IGF2R: variants seen among roughly 807,000 people sequenced by gnomAD.
The protein encoded by IGF2R is insulin like growth factor 2 receptor.
IGF2R carries 91 observed loss-of-function variants against 270.6 expected under a neutral mutation model. That is an observed-to-expected ratio of 0.34 (90% CI 0.28 to 0.40). IGF2R has a LOEUF of 0.40. IGF2R is among the 10% of genes least tolerant of loss of function. The pLI is 1.00. For missense variants in IGF2R, 2,805 were observed against 3,188.3 expected, an observed-to-expected ratio of 0.88 and a Z score of 2.90; for synonymous variants, 1,316 against 1,258.9, an observed-to-expected ratio of 1.05 and a Z score of -0.96.
rs754969951 is a variant in IGF2R at position 160,061,483 on chromosome 6, G to C, written c.3263-20G>C. 2.5e-6 allele frequency: 4 copies of C among 1,612,326 alleles called. No individual in the cohort carries two copies. The highest frequency in any genetic ancestry group is 3.4e-6 in the Non-Finnish European group (4 of 1,179,102). On this transcript the variant is annotated intron_variant, in intron 23 of 47. Transcript: ENST00000356956. ...ACAAGGAGGCAGAGTTCTCCAGCGT[G>C]GTTTTTTGTTGTGTTTCAGACCTGG...
rs937997463 is a variant in IGF2R, at chr6:160,010,734, G to T, written c.462G>T (p.Glu154Asp). 1.2e-6 allele frequency: 2 copies of T among 1,612,932 alleles called. No individual in the cohort carries two copies. Among genetic ancestry groups the T allele is most frequent in the Non-Finnish European group, 1.7e-6 (2 of 1,179,112 alleles). The change falls in exon 4 of 48, where the codon GAG becomes GAT. Residue 154 changes from glutamate to aspartate, a missense_variant. Physicochemically the swap from Glu to Asp is conservative, Grantham distance 45 (BLOSUM62 2). Coordinates refer to ENST00000356956, the MANE Select transcript of IGF2R (RefSeq NM_000876.4). ...VTATECVHYF[E>D]WRTTAACKKD... Reference sequence around the variant, plus strand: ...CAACAGAATGTGTGCACTACTTTGAGTGGAGGACCACTGCAGCCTGCAAGA... The same window carrying T: ...CAACAGAATGTGTGCACTACTTTGATTGGAGGACCACTGCAGCCTGCAAGA...
intron 2 of IGF2R, among the ~76,000 whole-genome samples, chr6:160,007,960 C>A (rs1355292788): frequency 6.6e-6 from 1 of 152,166 alleles, no homozygotes; most frequent in Non-Finnish European, 1.5e-5. Context: ...CATCTTTAAT[C>A]CATTTAGACA....
intron 29 of IGF2R, among the ~76,000 whole-genome samples, chr6:160,065,814 G>GTA (rs59035193): frequency 0.01 from 789 of 78,246 alleles, 5 homozygotes; most frequent in South Asian, 0.021. Context: ...GTGTGTGTGT[G>GTA]TATATATATA....
rs1387962601 is a variant in IGF2R, at chr6:160,109,992, A to G, written c.*4908A>G. 5 of 152,238 alleles carry G rather than the reference A, an allele frequency of 3.3e-5. No homozygotes were observed. In the East Asian group the frequency reaches 7.7e-4, roughly 23 times the overall value. The allele number at this position is 152,238 out of a possible 1,614,324, so 9.4% of individuals were successfully genotyped here. A position where few individuals can be genotyped will look rare whatever the true frequency, so the allele number is the denominator to read the frequency against. On this transcript the variant is annotated 3_prime_UTR_variant, in exon 48 of 48. Transcript: ENST00000356956. ...GTTGTTAACAGATGTTTTGCAAAAA[A>G]TGAAAAGGACCTGAGCTCTAATAAG...
At chr6:159,969,449 C>T in intron 1 of IGF2R, 54 bp downstream of exon 1, 20 of 1,156,440 alleles carry the variant, frequency 1.7e-5, no homozygotes, top group Non-Finnish European at 2.0e-5. Context: ...GGTGAGCGGC[C>T]GGCGTGGGGG....
intron 7 of IGF2R, among the ~76,000 whole-genome samples, chr6:160,030,058 C>A (rs1777660642): frequency 6.6e-6 from 1 of 152,196 alleles, no homozygotes; most frequent in Non-Finnish European, 1.5e-5. Context: ...CTTTCCCTCC[C>A]TCTCTCTTCC....
Position 160,009,083 on chromosome 6 carries a change from C to T in IGF2R, c.363C>T (p.Gly121=). The T allele has an allele frequency of 1.9e-6, 3 of 1,613,854 alleles. No individual in the cohort carries two copies. The highest frequency in any genetic ancestry group is 2.5e-6 in the Non-Finnish European group (3 of 1,179,854). ...CAACAGTGAGCTGTGACCAGCAAGG[C>T]ACAAATCACAGAGTCCAGAGCAGCA... The part of the protein sequence containing the change: ...FNTTVSCDQQ[G]TNHRVQSSIA... The change falls in exon 3 of 48, where the codon GGC becomes GGT. Residue 121 remains glycine (G), a synonymous_variant. Transcript: ENST00000356956.
At chr6:160,032,871 A>G (rs1487593161) in intron 8 of IGF2R, 71 bp from the exon 9 acceptor site, 3 of 1,418,396 alleles carry the variant, frequency 2.1e-6, no homozygotes, top group East Asian at 2.3e-5. Flanking sequence ...GGTTTGACTA[A>G]GTAAGACTGT....
chr6:160,013,804 T>C (rs1009279368), intron 4 of IGF2R, among the ~76,000 whole-genome samples: 8 of 152,176 alleles, frequency 5.3e-5, no homozygotes, highest in African/African-American at 1.9e-4. Flanking sequence ...AAAAATGTAG[T>C]GCTGTCACTG....
chr6:160,052,208 T>C (rs1323569967), intron 19 of IGF2R, among the ~76,000 whole-genome samples: 1 of 152,218 alleles, frequency 6.6e-6, no homozygotes, highest in African/African-American at 2.4e-5. Context: ...TGTTTCAAAA[T>C]AGTAATCATA....
In IGF2R at chr6:160,061,586, A is replaced by T; in HGVS notation, c.3346A>T (p.Arg1116Ter). 2 of 1,613,926 alleles carry T rather than the reference A, an allele frequency of 1.2e-6. No individual in the cohort carries two copies. Among genetic ancestry groups the T allele is most frequent in the Non-Finnish European group, 1.7e-6 (2 of 1,179,842 alleles). Reference protein sequence around the residue: ...WTAVDTSVDGRKRTFYLSVCN... With the variant: ...WTAVDTSVDG ...GGCTGTTGACACCTCTGTCGATGGG[A>T]GAAAGAGGACTTTCTATTTGAGCGT... Residue 1116 changes from arginine (R) to a stop codon, truncating the protein, a stop_gained, in exon 24 of 48, where the codon AGA (arginine) becomes TGA (stop). Transcript: ENST00000356956. LOFTEE classifies it high-confidence loss of function.
intron 27 of IGF2R, among the ~76,000 whole-genome samples, chr6:160,064,106 C>T (rs993789500): frequency 6.6e-6 from 1 of 152,170 alleles, no homozygotes; most frequent in Non-Finnish European, 1.5e-5. Flanking sequence ...GTGGTGAGTA[C>T]GTGGACAGCC....
In IGF2R at chr6:160,050,436, C is replaced by T. The variant is rs200343649; in HGVS notation, c.2515-37C>T. 1.4e-5 allele frequency: 22 copies of T among 1,579,002 alleles called. No homozygotes were observed. Among genetic ancestry groups the T allele is most frequent in the African/African-American group, 2.7e-5 (2 of 74,202 alleles). The stretch of plus-strand genomic sequence containing the variant: ...ACCAATAACGAATCGACTGTATCTT[C>T]AGGGGGAAAAGCCTAACAAGACTGG... On this transcript the variant is annotated intron_variant, in intron 18 of 47. Transcript: ENST00000356956. This position sits in a 1 kb window ranked among gnomAD's most constrained non-coding sequence, Gnocchi z 4.0.
In IGF2R at chr6:160,027,282, C is replaced by G; in HGVS notation, c.744C>G (p.Pro248=). 6.2e-7 allele frequency: 1 copy of G among 1,613,922 alleles called. No individual in the cohort carries two copies. Among genetic ancestry groups the G allele is most frequent in the Non-Finnish European group, 8.5e-7 (1 of 1,179,934 alleles). ...RGHQAFDVGQ[P]RDGLKLVRKD... ...ACCAGGCGTTTGATGTTGGCCAGCC[C>G]CGGGACGGACTGAAGCTGGTGCGCA... Residue 248 remains proline, a synonymous_variant, in exon 6 of 48, where the codon CCC becomes CCG. Coordinates refer to ENST00000356956, the MANE Select transcript of IGF2R (RefSeq NM_000876.4).
rs1273776344 is a variant in IGF2R, at chr6:160,106,772, G to T, written c.*1688G>T. 1 of 152,176 alleles carries T rather than the reference G, an allele frequency of 6.6e-6. No individual in the cohort carries two copies. Among genetic ancestry groups the T allele is most frequent in the Admixed American group, 6.5e-5 (1 of 15,278 alleles). The allele number at this position is 152,176 out of a possible 1,614,324, so 9.4% of individuals were successfully genotyped here. A position where few individuals can be genotyped will look rare whatever the true frequency, so the allele number is the denominator to read the frequency against. On this transcript the variant is annotated 3_prime_UTR_variant, in exon 48 of 48. Coordinates refer to ENST00000356956, the MANE Select transcript of IGF2R (RefSeq NM_000876.4). ...CCTTCCCTTGGCTCTTTCTAGATCC[G>T]ATTTCTTTACCTTCTCCAGGCCAAC...
chr6:159,979,801 G>A lies in IGF2R; in HGVS notation c.149+10406G>A, dbSNP rs142515292. 5.6e-4 allele frequency among the ~76,000 whole-genome samples: 86 copies of A among 152,306 alleles called. 2 individuals carry two copies. In the East Asian group the frequency reaches 0.015, roughly 27 times the overall value. ...AATGGAGGGAGGGGCCAGAGAGCAC[G>A]GAGGATTAGCTGTGGCCAGATCACA... On this transcript the variant is annotated intron_variant, in intron 1 of 47. Coordinates refer to ENST00000356956, the MANE Select transcript of IGF2R (RefSeq NM_000876.4).
chr6:160,072,689 T>G, intron 32 of IGF2R, 76 bp from the exon 33 acceptor site: 873 of 1,525,136 alleles, frequency 5.7e-4, no homozygotes, highest in Non-Finnish European at 7.1e-4. Context: ...AATCTGTGTG[T>G]GAGCTCGCCG....
chr6:160,001,437 C>G (rs1784129206), intron 2 of IGF2R, among the ~76,000 whole-genome samples: 1 of 151,898 alleles, frequency 6.6e-6, no homozygotes, highest in African/African-American at 2.4e-5. Flanking sequence ...ATAATTATTT[C>G]AATTACATAT....
At chr6:159,984,977 C>A (rs565758986) in intron 1 of IGF2R, among the ~76,000 whole-genome samples, 33 of 152,248 alleles carry the variant, frequency 2.2e-4, no homozygotes, top group African/African-American at 7.9e-4. Flanking sequence ...AAAGGAAAAA[C>A]CATATCCGAA....
Sources: allele counts gnomAD v4.1 joint callset (sites outside exome capture counted in the v4.1 genomes callset), GRCh38; gene constraint gnomAD v4.1.1; non-coding constraint Gnocchi (gnomAD v3.1); transcripts MANE v1.5; gene names NCBI Gene and HGNC (gene_info 2026-07-23, HGNC 2026-07-21).